Variants in MAP2K3 observed in about 807,000 individuals in gnomAD.
The protein encoded by MAP2K3 is dual specificity mitogen-activated protein kinase kinase 3.
MAP2K3 carries 30 observed loss-of-function variants against 46.4 expected under a neutral mutation model. That is an observed-to-expected ratio of 0.65 (90% CI 0.48 to 0.88). The LOEUF is 0.88. MAP2K3 is among the 40% of genes least tolerant of loss of function. The probability of loss-of-function intolerance (pLI) is 0.00; values close to 1 mark genes in which losing one functional copy is unlikely to be tolerated. For synonymous variants in MAP2K3, 189 were observed against 176.3 expected (o/e 1.07, Z -0.57); for missense variants, 380 against 464.5 (o/e 0.82, Z 1.67).
At chr17:21,300,425 G>T (rs932086547) in intron 3 of MAP2K3, 120 bp from the exon 4 acceptor site, 189 of 1,031,196 alleles carry the variant, frequency 1.8e-4, no homozygotes, top group Non-Finnish European at 2.6e-4. Flanking sequence ...GTGGATATGA[G>T]GTTTGAGCCC....
Position 21,302,198 on chromosome 17 carries a change from G to A in MAP2K3, c.455G>A (p.Arg152Gln), listed in dbSNP as rs148304866. 4.7e-5 allele frequency: 75 copies of A among 1,609,136 alleles called. No homozygotes were observed. Among genetic ancestry groups the A allele is most frequent in the East Asian group, 3.1e-4 (14 of 44,514 alleles). The change falls in exon 6 of 12, where the codon CGG becomes CAG. Residue 152 changes from arginine (R) to glutamine (Q), a missense_variant. By Grantham distance (43) the Arg-to-Gln change is conservative. This residue lies in a region of MAP2K3 where 294 missense variants were observed against 275.4 expected (regional missense o/e 1.07). Coordinates refer to ENST00000342679, the MANE Select transcript of MAP2K3 (RefSeq NM_145109.3). Reference sequence around the variant, plus strand: ...GACACATCCTTGGACAAGTTCTACCGGAAGGTGCTGGATAAAAACATGACA... The same window carrying A: ...GACACATCCTTGGACAAGTTCTACCAGAAGGTGCTGGATAAAAACATGACA... ...LMDTSLDKFY[R>Q]KVLDKNMTIP...
At chr17:21,313,260 G>C (rs1237247915) in intron 10 of MAP2K3, among the ~76,000 whole-genome samples, 2 of 152,174 alleles carry the variant, frequency 1.3e-5, no homozygotes, top group Non-Finnish European at 2.9e-5. Flanking sequence ...TCACTATGCA[G>C]ACAAGAAAAC....
chr17:21,290,855 G>A (rs117039757), intron 1 of MAP2K3, among the ~76,000 whole-genome samples: 17,301 of 142,312 alleles, frequency 0.12, no homozygotes, highest in Non-Finnish European at 0.15. Flanking sequence ...GGAGGCAGAG[G>A]TGGGAGGATC....
At chr17:21,294,117 A>G (rs1369201533) in intron 1 of MAP2K3, among the ~76,000 whole-genome samples, 6 of 152,306 alleles carry the variant, frequency 3.9e-5, no homozygotes, top group African/African-American at 1.4e-4. Context: ...TCGGGGCCTC[A>G]GTTTCCCCCG....
intron 1 of MAP2K3, among the ~76,000 whole-genome samples, chr17:21,293,041 C>T (rs559276617): frequency 3.9e-5 from 6 of 152,428 alleles, no homozygotes; most frequent in East Asian, 1.9e-4. Context: ...AGGCCAGGCA[C>T]GCAGAGGACA....
rs1976555470 is a variant in MAP2K3, at chr17:21,300,848, C to T, written c.280-26C>T. On this transcript the variant is annotated intron_variant, in intron 4 of 11. Transcript: ENST00000342679. ...GGGTGTTGGCCTCTGCCACGGCAAC[C>T]TCTGAATGGCAGTCCTTCCCTGCAG... 1.9e-6 allele frequency: 3 copies of T among 1,613,786 alleles called. No individual in the cohort carries two copies. In the Admixed American group the frequency reaches 5.0e-5, roughly 27 times the overall value.
intron 1 of MAP2K3, among the ~76,000 whole-genome samples, chr17:21,296,482 GC>G (rs1433788152): frequency 6.6e-6 from 1 of 152,312 alleles, no homozygotes; most frequent in Non-Finnish European, 1.5e-5. Context: ...CGAGACTTGG[GC>G]CCCTCCTTCC....
chr17:21,295,371 T>C (rs1976179975), intron 1 of MAP2K3, among the ~76,000 whole-genome samples: 2 of 152,308 alleles, frequency 1.3e-5, no homozygotes, highest in Non-Finnish European at 1.5e-5. Context: ...GGGGCTGCTA[T>C]GAGGCTGGAG....
chr17:21,306,324 T>A (rs77169361), intron 9 of MAP2K3, among the ~76,000 whole-genome samples: 102 of 123,888 alleles, frequency 8.2e-4, no homozygotes, highest in Middle Eastern at 4.0e-3. Flanking sequence ...TTTATTTGTG[T>A]TTACTGGTTT....
chr17:21,295,941 A>G, intron 1 of MAP2K3: 4 of 1,242,428 alleles, frequency 3.2e-6, no homozygotes, highest in Non-Finnish European at 4.2e-6. Flanking sequence ...GGCTGGGGGC[A>G]AGGTCAAGGC....
At chr17:21,297,431 G>A (rs1976320053) in intron 1 of MAP2K3, among the ~76,000 whole-genome samples, 1 of 152,312 alleles carries the variant, frequency 6.6e-6, no homozygotes, top group Non-Finnish European at 1.5e-5. Context: ...CACAAGGGCA[G>A]GCATGTGGCC....
intron 9 of MAP2K3, among the ~76,000 whole-genome samples, chr17:21,306,380 C>T (rs557215068): frequency 0.019 from 2,901 of 152,284 alleles, 43 homozygotes; most frequent in African/African-American, 0.064. Flanking sequence ...AAGAGACTCA[C>T]GGGGGAGGGG....
chr17:21,288,225 T>TG, intron 1 of MAP2K3: 3 of 605,718 alleles, frequency 5.0e-6, no homozygotes, highest in Non-Finnish European at 7.5e-6. Context: ...CACCTAGCCC[T>TG]GAGCTGGGGC....
chr17:21,300,423 G>A, intron 3 of MAP2K3, 122 bp from the exon 4 acceptor site: 1 of 991,812 alleles, frequency 1.0e-6, no homozygotes. Flanking sequence ...CGGTGGATAT[G>A]AGGTTTGAGC....
chr17:21,301,934 G>A (rs2144587407), intron 5 of MAP2K3, among the ~76,000 whole-genome samples: 1 of 152,430 alleles, frequency 6.6e-6, no homozygotes, highest in South Asian at 2.1e-4. Flanking sequence ...AGAGGAGGCT[G>A]GCGCCCGAAC....
rs1371156078 is a variant in MAP2K3, at chr17:21,291,303, GAATAC to G, written c.49+6344_49+6348del. 457 of 127,192 alleles carry G rather than the reference GAATAC, an allele frequency of 3.6e-3. 3 individuals carry two copies. The highest frequency in any genetic ancestry group is 0.015 in the African/African-American group (329 of 21,950). The allele number at this position is 127,192 out of a possible 1,614,324, so 7.9% of individuals were successfully genotyped here. ...CAATACAATAGAATACAATACAATA[GAATAC>G]AATACAATAGAATACAATAGAATAC... On this transcript the variant is annotated intron_variant, in intron 1 of 11. Coordinates refer to ENST00000342679, the MANE Select transcript of MAP2K3 (RefSeq NM_145109.3).
chr17:21,300,416 T>C (rs1191038923), intron 3 of MAP2K3, 129 bp from the exon 4 acceptor site: 2 of 914,446 alleles, frequency 2.2e-6, no homozygotes, highest in East Asian at 5.3e-5. Flanking sequence ...CAGGGAGCGG[T>C]GGATATGAGG....
chr17:21,314,196 C>T lies in MAP2K3; in HGVS notation c.1010C>T (p.Ala337Val), dbSNP rs186277389. ...AAAACCAAGAAGACGGACATTGCTGCCTTCGTGAAGGAGATCCTGGGAGAA... is the reference window on the plus strand; with the variant it reads ...AAAACCAAGAAGACGGACATTGCTGTCTTCGTGAAGGAGATCCTGGGAGAA... ...LHKTKKTDIA[A>V]FVKEILGEDS The change falls in exon 12 of 12, where the codon GCC becomes GTC. Residue 337 changes from alanine to valine, a missense_variant. Transcript: ENST00000342679. 1.2e-6 allele frequency: 2 copies of T among 1,614,072 alleles called. No individual in the cohort carries two copies. The highest frequency in any genetic ancestry group is 1.7e-6 in the Non-Finnish European group (2 of 1,179,980).
At chr17:21,297,022 G>A (rs1002387256) in intron 1 of MAP2K3, among the ~76,000 whole-genome samples, 16 of 152,426 alleles carry the variant, frequency 1.0e-4, no homozygotes, top group Admixed American at 9.8e-4. Flanking sequence ...GTATCTGCTT[G>A]CCTGGCTCCT....
Sources: allele counts gnomAD v4.1 joint callset (sites outside exome capture counted in the v4.1 genomes callset), GRCh38; gene constraint gnomAD v4.1.1; regional missense constraint gnomAD v4.1.1; transcripts MANE v1.5; gene names NCBI Gene and HGNC (gene_info 2026-07-23, HGNC 2026-07-21).